RAP1GAP: variants seen among roughly 807,000 people sequenced by gnomAD.
RAP1GAP encodes the protein RAP1 GTPase activating protein.
A neutral mutation model predicts 87.2 loss-of-function variants in RAP1GAP; 35 were observed. The observed-to-expected ratio is 0.40, with a 90% CI of 0.31 to 0.53. RAP1GAP has a LOEUF of 0.53. Ranked by LOEUF, RAP1GAP falls within the 20% of genes least tolerant of loss-of-function variation. The probability of loss-of-function intolerance (pLI) is 0.48; values close to 1 mark genes in which losing one functional copy is unlikely to be tolerated. For missense variants in RAP1GAP, 734 were observed against 898.9 expected, an observed-to-expected ratio of 0.82 and a Z score of 2.35; for synonymous variants, 375 against 363.9, an observed-to-expected ratio of 1.03 and a Z score of -0.35.
At chr1:21,651,703 C>G in intron 1 of RAP1GAP, 1 of 1,442,620 alleles carries the variant, frequency 6.9e-7, no homozygotes, top group Middle Eastern at 1.8e-4. Context: ...GCGAGCACAC[C>G]CCGCACGGGC....
intron 2 of RAP1GAP, among the ~76,000 whole-genome samples, chr1:21,641,164 C>A (rs1256610549): frequency 6.6e-6 from 1 of 150,924 alleles, no homozygotes; most frequent in Non-Finnish European, 1.5e-5. Context: ...TGGTGATCCA[C>A]CCACCTCGGC....
intron 2 of RAP1GAP, among the ~76,000 whole-genome samples, chr1:21,637,749 G>A (rs919112078): frequency 6.6e-6 from 1 of 152,072 alleles, no homozygotes; most frequent in African/African-American, 2.4e-5. Context: ...AGTCTTGATG[G>A]AAAAGGGGGT....
rs1301748358 is a variant in RAP1GAP, at chr1:21,609,324, A to C, written c.1071+251T>G. Among the ~76,000 whole-genome samples, 1 of 152,092 alleles carries C rather than the reference A, an allele frequency of 6.6e-6. No individual in the cohort carries two copies. The highest frequency in any genetic ancestry group is 2.4e-5 in the African/African-American group (1 of 41,388). ...ACTGGAACTGTCAGAAAGAGAACAG[A>C]AATGAGGAGAGGCCAGTCTACTATG... On this transcript the variant is annotated intron_variant, in intron 15 of 24. Coordinates refer to ENST00000374765, the MANE Select transcript of RAP1GAP (RefSeq NM_002885.4). This position sits in a 1 kb window ranked among gnomAD's most constrained non-coding sequence, Gnocchi z 4.4.
chr1:21,599,980 G>A (rs768019590), intron 20 of RAP1GAP, among the ~76,000 whole-genome samples: 4 of 152,162 alleles, frequency 2.6e-5, no homozygotes, highest in Non-Finnish European at 4.4e-5. Context: ...ACTGCTCTAC[G>A]TGCCTTTACC....
In RAP1GAP at chr1:21,601,810, C is replaced by T. The variant is rs753716790; in HGVS notation, c.1539-13G>A. 2.5e-5 allele frequency: 38 copies of T among 1,548,926 alleles called. No homozygotes were observed. The highest frequency in any genetic ancestry group is 1.4e-4 in the South Asian group (12 of 87,036). Reference sequence around the variant, plus strand: ...CGGAGGGCTCTCCCTGCGGGGCACACGGGGGCAGCGGGGGGATTCAGCACC... The same window carrying T: ...CGGAGGGCTCTCCCTGCGGGGCACATGGGGGCAGCGGGGGGATTCAGCACC... On this transcript the variant is annotated splice_polypyrimidine_tract_variant and intron_variant, in intron 19 of 24. Transcript: ENST00000374765.
chr1:21,662,221 C>T (rs893431724), intron 1 of RAP1GAP, among the ~76,000 whole-genome samples: 1 of 152,224 alleles, frequency 6.6e-6, no homozygotes, highest in Admixed American at 6.5e-5. Flanking sequence ...TCAGTTTCCT[C>T]ACCCACAAAA....
chr1:21,630,637 T>C (rs920394842), intron 2 of RAP1GAP, among the ~76,000 whole-genome samples: 1 of 152,110 alleles, frequency 6.6e-6, no homozygotes, highest in Middle Eastern at 3.2e-3. Context: ...ACTGCAGCCT[T>C]GAACTGCTGG....
At chr1:21,614,664 GGT>G (rs2080812515) in intron 7 of RAP1GAP, among the ~76,000 whole-genome samples, 1 of 152,202 alleles carries the variant, frequency 6.6e-6, no homozygotes, top group Non-Finnish European at 1.5e-5. Context: ...GAGGGCACAG[GGT>G]TGGGAAGACA....
intron 22 of RAP1GAP, 112 bp downstream of exon 22, chr1:21,598,287 AG>A (rs1320229390): frequency 7.8e-6 from 8 of 1,023,242 alleles, no homozygotes; most frequent in Non-Finnish European, 1.2e-5. Context: ...CCTCCAAGTC[AG>A]GGGCAGTCAC....
chr1:21,651,646 A>T, intron 1 of RAP1GAP: 1 of 938,896 alleles, frequency 1.1e-6, no homozygotes, highest in Non-Finnish European at 1.7e-6. Context: ...CTGAGGTCAA[A>T]CGCTCAGCCC....
chr1:21,656,531 T>G (rs918014306), intron 1 of RAP1GAP, among the ~76,000 whole-genome samples: 1 of 151,594 alleles, frequency 6.6e-6, no homozygotes, highest in African/African-American at 2.4e-5. Context: ...TTACTTTGCC[T>G]GTGGCCTTTC....
intron 2 of RAP1GAP, among the ~76,000 whole-genome samples, chr1:21,636,914 A>AAGGGAGGGAGGGAGGGAGGGAGGGAGGG (rs1217233454): frequency 9.8e-6 from 1 of 102,494 alleles, no homozygotes; most frequent in Non-Finnish European, 1.9e-5. Flanking sequence ...GGAAGGAAGG[A>AAGGGAGGGAGGGAGGGAGGGAGGGAGGG]AGGGAGGGAG....
Position 21,610,161 on chromosome 1 carries a change from C to G in RAP1GAP, c.958G>C (p.Val320Leu). 1.2e-6 allele frequency: 2 copies of G among 1,614,152 alleles called. No homozygotes were observed. The highest frequency in any genetic ancestry group is 1.7e-6 in the Non-Finnish European group (2 of 1,180,022). The stretch of plus-strand genomic sequence containing the variant: ...TCAGGGCCCCCGCCCTCAGCCTGCA[C>G]CACGACGTAGGCATGCAGGAAGTTG... ...ASNFLHAYVVVQAEGGGPDGP... is the reference protein window; with the variant it reads ...ASNFLHAYVVLQAEGGGPDGP... The change falls in exon 14 of 25, where the codon GTG becomes CTG. Residue 320 changes from valine to leucine, a missense_variant. Around this residue, in one of 2 missense-constraint regions of RAP1GAP, gnomAD observed 485 missense variants for 646.2 expected, o/e 0.75. Coordinates refer to ENST00000374765, the MANE Select transcript of RAP1GAP (RefSeq NM_002885.4).
In RAP1GAP at chr1:21,596,238, G is replaced by A. The variant is rs559569702; in HGVS notation, c.*1061C>T. The A allele has an allele frequency of 1.3e-5, 2 of 152,154 alleles. No homozygotes were observed. Among genetic ancestry groups the A allele is most frequent in the East Asian group, 1.9e-4 (1 of 5,178 alleles). The allele number at this position is 152,154 out of a possible 1,614,324, so 9.4% of individuals were successfully genotyped here. A position where few individuals can be genotyped will look rare whatever the true frequency, so the allele number is the denominator to read the frequency against. On this transcript the variant is annotated 3_prime_UTR_variant, in exon 25 of 25. Coordinates refer to ENST00000374765, the MANE Select transcript of RAP1GAP (RefSeq NM_002885.4). ...ACTCTGGGTACAATAGCGATAAATA[G>A]AATTTATTTTATACAACTGTTACCG...
At chr1:21,624,855 TC>T (rs2091188988) in intron 3 of RAP1GAP, among the ~76,000 whole-genome samples, 2 of 151,924 alleles carry the variant, frequency 1.3e-5, no homozygotes, top group Admixed American at 6.6e-5. Context: ...TCTCTCTCTC[TC>T]TCGTCTCCTG....
intron 1 of RAP1GAP, among the ~76,000 whole-genome samples, chr1:21,663,212 CT>C (rs2097213422): frequency 6.6e-6 from 1 of 152,196 alleles, no homozygotes; most frequent in Admixed American, 6.5e-5. Context: ...GCAGGGAGCC[CT>C]GGGAGAGGGG....
Position 21,619,052 on chromosome 1 carries a change from T to C in RAP1GAP, c.39A>G (p.Gln13=). The C allele has an allele frequency of 6.2e-7, 1 of 1,602,512 alleles. No homozygotes were observed. Among genetic ancestry groups the C allele is most frequent in the Non-Finnish European group, 8.5e-7 (1 of 1,173,922 alleles). The change falls in exon 5 of 25, where the codon CAA becomes CAG. Residue 13 remains glutamine (Q), a synonymous_variant. Transcript: ENST00000374765. ...TGAGGGGCGGCGGGAAGGAGCAGCG[T>C]TGTTCATCCATCCTGCTTCCCTGTA... ...EKMQGSRMDE[Q]RCSFPPPLKT... is the part of the protein sequence containing the mutation.
At chr1:21,657,993 G>T (rs1178915250) in intron 1 of RAP1GAP, among the ~76,000 whole-genome samples, 1 of 152,166 alleles carries the variant, frequency 6.6e-6, no homozygotes, top group Admixed American at 6.5e-5. Flanking sequence ...GGTGGTTTCA[G>T]TCCTCAGAAA....
At chr1:21,627,854 C>T (rs1455671690) in intron 2 of RAP1GAP, among the ~76,000 whole-genome samples, 1 of 152,158 alleles carries the variant, frequency 6.6e-6, no homozygotes, top group Non-Finnish European at 1.5e-5. Context: ...GGGGTCTGCG[C>T]TGGGCAATGC....
Sources: allele counts gnomAD v4.1 joint callset (sites outside exome capture counted in the v4.1 genomes callset), GRCh38; gene constraint gnomAD v4.1.1; regional missense constraint gnomAD v4.1.1; non-coding constraint Gnocchi (gnomAD v3.1); transcripts MANE v1.5; gene names NCBI Gene and HGNC (gene_info 2026-07-23, HGNC 2026-07-21).